The following CNTNAP5 variants were observed in gnomAD, a reference collection of about 807,000 sequenced individuals.
CNTNAP5 encodes the protein contactin associated protein family member 5, also known as contactin-associated protein-like 5.
A neutral mutation model predicts 150.2 loss-of-function variants in CNTNAP5; 72 were observed. The observed-to-expected ratio is 0.48, with a 90% confidence interval of 0.40 to 0.58. CNTNAP5 has a LOEUF of 0.58. Ranked by LOEUF, CNTNAP5 falls within the 20% of genes least tolerant of loss-of-function variation. CNTNAP5 has a pLI of 0.00. For missense variants in CNTNAP5, 1,636 were observed against 1,626.2 expected, an observed-to-expected ratio of 1.01 and a Z score of -0.10; for synonymous variants, 672 against 619.8, an observed-to-expected ratio of 1.08 and a Z score of -1.25.
intron 6 of CNTNAP5, among the ~76,000 whole-genome samples, chr2:124,453,813 T>C (rs1249292416): frequency 1.3e-5 from 2 of 152,088 alleles, no homozygotes; most frequent in African/African-American, 2.4e-5. Flanking sequence ...GATACAGTCT[T>C]TTTCAGACAA....
rs144768383 is a variant in CNTNAP5 at position 124,078,497 on chromosome 2, A to C, written c.82+52765A>C. ...TCCAGTTCTTGCATATACTAGTGGT[A>C]TGATATTAGCTCTTAATTTCAAATT... On this transcript the variant is annotated intron_variant, in intron 1 of 23. Coordinates refer to ENST00000682447, the MANE Select transcript of CNTNAP5 (RefSeq NM_001367498.1). Among the ~76,000 whole-genome samples the C allele has an allele frequency of 3.6e-3, 545 of 152,292 alleles. 3 individuals are homozygous for C. The highest frequency in any genetic ancestry group is 0.013 in the African/African-American group (524 of 41,560).
At chr2:124,242,917 T>C (rs1686923053) in intron 3 of CNTNAP5, among the ~76,000 whole-genome samples, 1 of 152,182 alleles carries the variant, frequency 6.6e-6, no homozygotes, top group East Asian at 1.9e-4. Flanking sequence ...TTACAAATAA[T>C]TGAAAACTAA....
chr2:124,264,954 G>T (rs921328172), intron 3 of CNTNAP5, among the ~76,000 whole-genome samples: 3 of 152,172 alleles, frequency 2.0e-5, no homozygotes, highest in African/African-American at 7.2e-5. Context: ...AAGTTAGTGT[G>T]CTTTGTGCTG....
chr2:124,807,429 G>A (rs1379205859), intron 19 of CNTNAP5, among the ~76,000 whole-genome samples: 1 of 152,110 alleles, frequency 6.6e-6, no homozygotes, highest in Non-Finnish European at 1.5e-5. Context: ...ATATTTCCTA[G>A]CAGCTAATAC....
chr2:124,039,670 G>T (rs1253785407), intron 1 of CNTNAP5, among the ~76,000 whole-genome samples: 1 of 152,060 alleles, frequency 6.6e-6, no homozygotes, highest in Admixed American at 6.6e-5. Flanking sequence ...TTTACTTCGG[G>T]TGCCATTCAT....
chr2:124,204,246 A>G (rs1313992688), intron 1 of CNTNAP5, among the ~76,000 whole-genome samples: 1 of 152,176 alleles, frequency 6.6e-6, no homozygotes, highest in Non-Finnish European at 1.5e-5. Flanking sequence ...GATAAGCATA[A>G]CAAGATTCAC....
At chr2:124,174,008 T>G (rs1685002032) in intron 1 of CNTNAP5, among the ~76,000 whole-genome samples, 2 of 151,928 alleles carry the variant, frequency 1.3e-5, no homozygotes, top group African/African-American at 4.8e-5. Context: ...TATAATCTAC[T>G]TGTGCCTCAT....
At chr2:124,403,232 A>G (rs115034046) in intron 3 of CNTNAP5, among the ~76,000 whole-genome samples, 260 of 152,304 alleles carry the variant, frequency 1.7e-3, no homozygotes, top group African/African-American at 6.0e-3. Context: ...TTCAGCATAC[A>G]CTGTCATACA....
chr2:124,730,956 C>A (rs1230433652), intron 13 of CNTNAP5, among the ~76,000 whole-genome samples: 1 of 152,094 alleles, frequency 6.6e-6, no homozygotes, highest in Non-Finnish European at 1.5e-5. Context: ...CCTCTGGCCA[C>A]TTCTTTCTAG....
chr2:124,105,031 T>TTATATAA (rs751647335), intron 1 of CNTNAP5, among the ~76,000 whole-genome samples: 14,043 of 151,842 alleles, frequency 0.092, 775 homozygotes, highest in Non-Finnish European at 0.13. Context: ...CCTTCAGAGC[T>TTATATAA]GCTCTACACA....
intron 1 of CNTNAP5, among the ~76,000 whole-genome samples, chr2:124,196,811 G>A (rs78365163): frequency 0.013 from 1,924 of 152,242 alleles, 12 homozygotes; most frequent in Non-Finnish European, 0.02. Flanking sequence ...CAAAAGTCCC[G>A]TAACAGTCTC....
At chr2:124,492,268 A>G (rs1029249446) in intron 7 of CNTNAP5, among the ~76,000 whole-genome samples, 8 of 152,212 alleles carry the variant, frequency 5.3e-5, no homozygotes, top group Non-Finnish European at 8.8e-5. Context: ...TAAGTCTGTA[A>G]TACATTTCAA....
intron 3 of CNTNAP5, among the ~76,000 whole-genome samples, chr2:124,336,061 C>T (rs74529575): frequency 6.6e-6 from 1 of 151,746 alleles, no homozygotes; most frequent in East Asian, 1.9e-4. Flanking sequence ...AAAAAAAAAC[C>T]TAGGCAATTC....
At chr2:124,598,536 G>A in intron 11 of CNTNAP5, among the ~76,000 whole-genome samples, 1 of 113,042 alleles carries the variant, frequency 8.8e-6, no homozygotes, top group African/African-American at 3.1e-5. Flanking sequence ...GAGAACCACT[G>A]CTCTCTTCAA....
At chr2:124,119,850 C>T (rs1289929048) in intron 1 of CNTNAP5, among the ~76,000 whole-genome samples, 1 of 152,146 alleles carries the variant, frequency 6.6e-6, no homozygotes, top group Non-Finnish European at 1.5e-5. Flanking sequence ...AGGAAGAAAC[C>T]ACTGCAGGCT....
At chr2:124,687,933 CAAGTACAT>C (rs1329643719) in intron 13 of CNTNAP5, among the ~76,000 whole-genome samples, 8 of 152,104 alleles carry the variant, frequency 5.3e-5, no homozygotes, top group Admixed American at 5.2e-4. Context: ...AGAATTTATT[CAAGTACAT>C]TTTACTAGTA....
At position 124,869,164 on chromosome 2, in the gene CNTNAP5, A is replaced by G. The variant is rs981255940; in HGVS notation, c.3349-511A>G. Among the ~76,000 whole-genome samples, 7 of 152,226 alleles carry G rather than the reference A, an allele frequency of 4.6e-5. No homozygotes were observed. In the East Asian group the frequency reaches 5.8e-4, roughly 13 times the overall value. On this transcript the variant is annotated intron_variant, in intron 20 of 23. Transcript: ENST00000682447. The stretch of plus-strand genomic sequence containing the variant: ...GCTGCCCTCTCCTCCCCAGGACCAC[A>G]TGTTTTGTCAGACTGCAATCCTTGC...
intron 17 of CNTNAP5, among the ~76,000 whole-genome samples, chr2:124,776,040 T>C (rs1681314821): frequency 1.3e-5 from 2 of 152,308 alleles, no homozygotes; most frequent in South Asian, 2.1e-4. Flanking sequence ...ATGAAGAGAC[T>C]GTAACTGATC....
At chr2:124,835,005 G>C (rs1285022927) in intron 19 of CNTNAP5, among the ~76,000 whole-genome samples, 2 of 151,548 alleles carry the variant, frequency 1.3e-5, no homozygotes, top group African/African-American at 4.8e-5. Context: ...TATTTTGAAA[G>C]GCTATTATGA....
Sources: allele counts gnomAD v4.1 joint callset (sites outside exome capture counted in the v4.1 genomes callset), GRCh38; gene constraint gnomAD v4.1.1; transcripts MANE v1.5; gene names NCBI Gene and HGNC (gene_info 2026-07-23, HGNC 2026-07-21).